The following ALK variants were observed in gnomAD, a reference collection of about 807,000 sequenced individuals.
ALK encodes the protein ALK tyrosine kinase receptor.
Under a neutral mutation model 163.1 loss-of-function variants are expected in ALK, and 74 were observed. The ratio of observed to expected loss-of-function variants is 0.45; its 90% CI spans 0.38 to 0.55. The LOEUF (loss-of-function observed/expected upper bound fraction) is 0.55. ALK is among the 20% of genes least tolerant of loss of function. ALK has a pLI of 0.00. For synonymous variants in ALK, 960 were observed against 843.2 expected (o/e 1.14, Z -2.40); for missense variants, 2,063 against 2,105.3 (o/e 0.98, Z 0.39).
At position 29,297,075 on chromosome 2, in the gene ALK, G is replaced by A. The variant is rs767315743; in HGVS notation, c.1648-18C>T. ...ATTCGGAGCTGTGAGGGCGAGAAGA[G>A]TCAGAGGACAAGGTATGATTGCTGA... On this transcript the variant is annotated intron_variant, in intron 8 of 28. Transcript: ENST00000389048. 5.6e-6 allele frequency: 9 copies of A among 1,614,154 alleles called. No homozygotes were observed. The highest frequency in any genetic ancestry group is 1.6e-4 in the Middle Eastern group (1 of 6,062).
At position 29,333,690 on chromosome 2, in the gene ALK, G is replaced by A. The variant is rs139391447; in HGVS notation, c.1283-5209C>T. Reference sequence around the variant, plus strand: ...GAGCGTCATGGCGCAACCTTGGCTCGTCCTAGCCTTGACCTTCCCGACCTC... The same window carrying A: ...GAGCGTCATGGCGCAACCTTGGCTCATCCTAGCCTTGACCTTCCCGACCTC... On this transcript the variant is annotated intron_variant, in intron 5 of 28. Coordinates refer to ENST00000389048, the MANE Select transcript of ALK (RefSeq NM_004304.5). Among the ~76,000 whole-genome samples, 204 of 152,230 alleles carry A rather than the reference G, an allele frequency of 1.3e-3. 1 individual carries two copies. The highest frequency in any genetic ancestry group is 4.6e-3 in the African/African-American group (189 of 41,534).
intron 8 of ALK, among the ~76,000 whole-genome samples, chr2:29,298,397 C>T (rs1218828401): frequency 1.3e-5 from 2 of 152,210 alleles, no homozygotes; most frequent in Non-Finnish European, 2.9e-5. Context: ...TCTACCCCTG[C>T]TAACTGTAAA....
chr2:29,779,434 A>G (rs984398412), intron 1 of ALK, among the ~76,000 whole-genome samples: 1 of 152,178 alleles, frequency 6.6e-6, no homozygotes, highest in Non-Finnish European at 1.5e-5. Context: ...TGCACTTTCA[A>G]ATACCTCGAG....
intron 1 of ALK, among the ~76,000 whole-genome samples, chr2:29,723,164 T>G (rs1164962739): frequency 7.2e-5 from 11 of 152,200 alleles, no homozygotes; most frequent in Admixed American, 7.2e-4. Context: ...TGGCTCCTGA[T>G]TCTGTCTCTA....
At chr2:29,391,246 T>C (rs925012797) in intron 4 of ALK, among the ~76,000 whole-genome samples, 2 of 148,616 alleles carry the variant, frequency 1.3e-5, no homozygotes, top group Admixed American at 6.7e-5. Context: ...TATTTTCTCA[T>C]GTTTCGGAAC....
At chr2:29,672,467 AT>A (rs1178417183) in intron 3 of ALK, among the ~76,000 whole-genome samples, 3 of 150,010 alleles carry the variant, frequency 2.0e-5, no homozygotes, top group African/African-American at 7.4e-5. Flanking sequence ...GAGAATGATG[AT>A]TTCCAATTTC....
chr2:29,751,376 CTTA>C (rs1680362471), intron 1 of ALK, among the ~76,000 whole-genome samples: 1 of 152,254 alleles, frequency 6.6e-6, no homozygotes, highest in African/African-American at 2.4e-5. Flanking sequence ...TTTCAGCTTC[CTTA>C]TAAAGCTTAT....
chr2:29,807,971 T>A (rs1373486829), intron 1 of ALK, among the ~76,000 whole-genome samples: 1 of 152,092 alleles, frequency 6.6e-6, no homozygotes, highest in Non-Finnish European at 1.5e-5. Context: ...GCCAAGCTCC[T>A]TTTTTTAACA....
intron 4 of ALK, among the ~76,000 whole-genome samples, chr2:29,492,521 C>CGATT: frequency 6.6e-6 from 1 of 152,206 alleles, no homozygotes; most frequent in Non-Finnish European, 1.5e-5. Flanking sequence ...CCACACTGGA[C>CGATT]CCTATTCAGT....
intron 4 of ALK, among the ~76,000 whole-genome samples, chr2:29,508,078 G>C (rs1227948953): frequency 6.6e-6 from 1 of 152,156 alleles, no homozygotes; most frequent in Non-Finnish European, 1.5e-5. Flanking sequence ...GTCTGATCTA[G>C]AACTTGGGGA....
rs529029749 is a variant in ALK, at chr2:29,263,080, G to A, written c.2042-11813C>T. Among the ~76,000 whole-genome samples, 25 of 152,358 alleles carry A rather than the reference G, an allele frequency of 1.6e-4. No homozygotes were observed. The South Asian group carries it at 5.2e-3, about 32-fold the overall frequency. On this transcript the variant is annotated intron_variant, in intron 11 of 28. Transcript: ENST00000389048. ...GGTGCTGTGGACTCAGCCATCTGCA[G>A]GTTACGCATAATGGATTTGGTTTTG...
intron 9 of ALK, among the ~76,000 whole-genome samples, chr2:29,287,912 TC>T (rs1558654314): frequency 6.6e-6 from 1 of 152,118 alleles, no homozygotes; most frequent in African/African-American, 2.4e-5. Context: ...AAATAACATT[TC>T]TTTTGTTTAC....
intron 1 of ALK, among the ~76,000 whole-genome samples, chr2:29,811,234 T>A (rs569601796): frequency 6.6e-6 from 1 of 151,498 alleles, no homozygotes; most frequent in East Asian, 2.0e-4. Flanking sequence ...ACATTCTGAC[T>A]CCCCCCCTTT....
At chr2:29,389,317 G>C (rs149505248) in intron 4 of ALK, among the ~76,000 whole-genome samples, 2 of 152,318 alleles carry the variant, frequency 1.3e-5, no homozygotes, top group African/African-American at 4.8e-5. Flanking sequence ...CAAATGGATG[G>C]TCAGGATAGG....
chr2:29,327,643 G>T (rs979315957), intron 6 of ALK, among the ~76,000 whole-genome samples: 1 of 152,170 alleles, frequency 6.6e-6, no homozygotes, highest in South Asian at 2.1e-4. Flanking sequence ...TGTGATGATG[G>T]TTGAACAACC....
intron 1 of ALK, among the ~76,000 whole-genome samples, chr2:29,915,920 A>C (rs762032621): frequency 7.2e-5 from 11 of 152,220 alleles, no homozygotes; most frequent in Non-Finnish European, 1.3e-4. Flanking sequence ...GTAATTTCAA[A>C]ATATTTGTCA....
At chr2:29,855,211 C>T (rs1392926001) in intron 1 of ALK, among the ~76,000 whole-genome samples, 1 of 152,210 alleles carries the variant, frequency 6.6e-6, no homozygotes, top group Non-Finnish European at 1.5e-5. Flanking sequence ...TACATTATCT[C>T]ATTTAATCTT....
chr2:29,877,616 T>C (rs1666757413), intron 1 of ALK, among the ~76,000 whole-genome samples: 2 of 152,176 alleles, frequency 1.3e-5, no homozygotes. Context: ...CAGTTCATTG[T>C]TTAACTGAAT....
intron 4 of ALK, among the ~76,000 whole-genome samples, chr2:29,458,774 G>T (rs949638709): frequency 1.3e-5 from 2 of 152,132 alleles, no homozygotes; most frequent in Non-Finnish European, 2.9e-5. Flanking sequence ...AAGAATAAAA[G>T]TTGCTGCCAT....
Sources: gnomAD v4.1 joint callset for allele counts (sites outside exome capture counted in the v4.1 genomes callset) on GRCh38, gnomAD v4.1.1 for gene constraint, MANE v1.5 for transcripts, NCBI Gene and HGNC (gene_info 2026-07-23, HGNC 2026-07-21) for gene names.